Variants in INTS7 observed in about 807,000 individuals in gnomAD.
The protein encoded by INTS7 is integrator complex subunit 7.
INTS7 carries 46 observed loss-of-function variants against 109.2 expected under a neutral mutation model. That is an observed-to-expected ratio of 0.42 (90% CI 0.33 to 0.54). The LOEUF (loss-of-function observed/expected upper bound fraction) is 0.54. Among genes scored for constraint, INTS7 ranks in the 20% least tolerant of loss-of-function variants. The pLI is 0.07. For synonymous variants in INTS7, 412 were observed against 402.9 expected (o/e 1.02, Z -0.27); for missense variants, 929 against 1,132.4 (o/e 0.82, Z 2.58).
At position 211,982,731 on chromosome 1, in the gene INTS7, A is replaced by T. The variant is rs149903338; in HGVS notation, c.1077T>A (p.Ile359=). Reference sequence around the variant, plus strand: ...TTAGGACTCTAACTCCATGAGCTGCAATGCCCCTGTTATTATGGTAACAGC... The same window carrying T: ...TTAGGACTCTAACTCCATGAGCTGCTATGCCCCTGTTATTATGGTAACAGC... ...QECCYHNNRG[I]AAHGVRVLTN... The change falls in exon 9 of 20, where the codon ATT becomes ATA. Residue 359 remains isoleucine (I), a synonymous_variant. Coordinates refer to ENST00000366994, the MANE Select transcript of INTS7 (RefSeq NM_015434.4). 1.7e-5 allele frequency: 27 copies of T among 1,612,134 alleles called. No individual in the cohort carries two copies. In the African/African-American group the frequency reaches 3.3e-4, roughly 20 times the overall value.
In INTS7 at chr1:211,978,518, G is replaced by A. The variant is rs771739974; in HGVS notation, c.1231-7C>T. On this transcript the variant is annotated splice_polypyrimidine_tract_variant and splice_region_variant and intron_variant, in intron 10 of 19. Coordinates refer to ENST00000366994, the MANE Select transcript of INTS7 (RefSeq NM_015434.4). ...CCATACAGTTTAGAGCAATCTGCAC[G>A]CCAAAAAGAAAATGAACTAGTTACA... is the stretch of plus-strand genomic sequence containing the variant. 9.9e-5 allele frequency: 159 copies of A among 1,613,328 alleles called. No homozygotes were observed. The Middle Eastern group carries it at 2.1e-3, about 22-fold the overall frequency.
chr1:211,961,680 C>T (rs1482446522), intron 16 of INTS7, among the ~76,000 whole-genome samples: 8 of 152,188 alleles, frequency 5.3e-5, no homozygotes, highest in Middle Eastern at 3.4e-3. Flanking sequence ...CCTCCCACCT[C>T]GGCCTCCCAA....
At chr1:211,975,489 C>G (rs549198803) in intron 12 of INTS7, 117 bp from the exon 13 acceptor site, 2 of 697,590 alleles carry the variant, frequency 2.9e-6, no homozygotes, top group Non-Finnish European at 4.9e-6. Context: ...TAAGTCTGAA[C>G]AATCATTCCT....
In INTS7 at chr1:211,986,063, T is replaced by C. The variant is rs529178300; in HGVS notation, c.997+1823A>G. 4.4e-4 allele frequency among the ~76,000 whole-genome samples: 67 copies of C among 152,302 alleles called. No individual in the cohort carries two copies. The South Asian group carries it at 9.5e-3, about 22-fold the overall frequency. ...GTGACTTGCTTTGGCCAATAAAGCA[T>C]TGGAAAACAGGCTGCAAGCAAAAGG... On this transcript the variant is annotated intron_variant, in intron 8 of 19. Transcript: ENST00000366994.
At chr1:212,023,617 T>A (rs1456552112) in intron 1 of INTS7, among the ~76,000 whole-genome samples, 1 of 152,210 alleles carries the variant, frequency 6.6e-6, no homozygotes, top group Non-Finnish European at 1.5e-5. Context: ...CTTGTTGAAT[T>A]AAGTTCCTTA....
chr1:212,007,091 G>A (rs1665956964), intron 6 of INTS7, among the ~76,000 whole-genome samples, 159 bp downstream of exon 6: 1 of 151,714 alleles, frequency 6.6e-6, no homozygotes, highest in African/African-American at 2.4e-5. Context: ...ACTGTGAACA[G>A]AGAGAATAAA....
chr1:211,976,093 C>G (rs1279810921), intron 12 of INTS7, among the ~76,000 whole-genome samples: 3 of 152,138 alleles, frequency 2.0e-5, no homozygotes, highest in African/African-American at 4.8e-5. Flanking sequence ...TGAGCCACCC[C>G]ACCCGGCCAG....
At chr1:212,024,895 T>C (rs543746654) in intron 1 of INTS7, among the ~76,000 whole-genome samples, 20 of 152,346 alleles carry the variant, frequency 1.3e-4, no homozygotes, top group Admixed American at 2.6e-4. Context: ...TGATCATCTC[T>C]CCAGAGAACA....
Position 211,978,430 on chromosome 1 carries a change from A to G in INTS7, c.1312T>C (p.Leu438=). The G allele has an allele frequency of 6.2e-7, 1 of 1,614,196 alleles. No homozygotes were observed. The highest frequency in any genetic ancestry group is 8.5e-7 in the Non-Finnish European group (1 of 1,180,030). Residue 438 remains leucine (L), a synonymous_variant, in exon 11 of 20, where the codon TTG becomes CTG. Transcript: ENST00000366994. Reference sequence around the variant, plus strand: ...CGGGCAGCGTCTTGAGCACTGTGCAATTGAGTCAACAAGGTCTCAACTACT... The same window carrying G: ...CGGGCAGCGTCTTGAGCACTGTGCAGTTGAGTCAACAAGGTCTCAACTACT... ...QSVVETLLTQ[L]HSAQDAARIL...
In INTS7 at chr1:211,941,615, A is replaced by C. The variant is rs1325023298; in HGVS notation, c.*209T>G. The stretch of plus-strand genomic sequence containing the variant: ...GTGAGCCGCCCACCTCAGCCTCCCA[A>C]AGTGCTGGGATTACAGGCGTGAGCA... On this transcript the variant is annotated 3_prime_UTR_variant, in exon 20 of 20. Transcript: ENST00000366994. 1.6e-6 allele frequency: 1 copy of C among 626,164 alleles called. No individual in the cohort carries two copies. The highest frequency in any genetic ancestry group is 2.7e-6 in the Non-Finnish European group (1 of 372,778). 38.8% of individuals were successfully genotyped at this position (626,164 alleles called of 1,614,324 possible).
rs1024477602 is a variant in INTS7, at chr1:211,998,389, T to C, written c.879+8250A>G. Reference sequence around the variant, plus strand: ...ATTTGCACAGACCAATAGAACAGAATAGAATTTGGAAATAAATCCATACAG... The same window carrying C: ...ATTTGCACAGACCAATAGAACAGAACAGAATTTGGAAATAAATCCATACAG... On this transcript the variant is annotated intron_variant, in intron 7 of 19. Transcript: ENST00000366994. 9.9e-5 allele frequency among the ~76,000 whole-genome samples: 15 copies of C among 152,190 alleles called. 1 individual carries two copies. Among genetic ancestry groups the C allele is most frequent in the Non-Finnish European group, 4.4e-5 (3 of 68,020 alleles).
At chr1:211,974,515 A>T (rs1664332646) in intron 13 of INTS7, among the ~76,000 whole-genome samples, 1 of 151,904 alleles carries the variant, frequency 6.6e-6, no homozygotes, top group Admixed American at 6.6e-5. Context: ...CAGTATTTTT[A>T]AAATGTTTAA....
intron 7 of INTS7, among the ~76,000 whole-genome samples, chr1:212,000,773 T>A (rs186830332): frequency 6.6e-6 from 1 of 152,162 alleles, no homozygotes. Flanking sequence ...AAAAAATCCA[T>A]CACAAGAGAC....
At chr1:211,994,410 G>GA (rs950243387) in intron 7 of INTS7, among the ~76,000 whole-genome samples, 19 of 147,922 alleles carry the variant, frequency 1.3e-4, no homozygotes, top group African/African-American at 3.7e-4. Flanking sequence ...AGCTGCAATG[G>GA]AAAAAAAATT....
chr1:212,019,114 G>A (rs1666578973), intron 3 of INTS7, among the ~76,000 whole-genome samples: 2 of 152,088 alleles, frequency 1.3e-5, no homozygotes, highest in South Asian at 4.1e-4. Flanking sequence ...AGTTGAGTGT[G>A]GTGGCGGGCA....
intron 1 of INTS7, among the ~76,000 whole-genome samples, chr1:212,021,657 C>T (rs1361839473): frequency 7.1e-6 from 1 of 140,376 alleles, no homozygotes; most frequent in Non-Finnish European, 1.5e-5. Flanking sequence ...CCAGCCTGAA[C>T]AACACAGTCA....
chr1:211,944,925 A>G lies in INTS7; in HGVS notation c.2460T>C (p.Ala820=), dbSNP rs1242874385. The part of the protein sequence containing the change: ...PSPRNPAEPI[A]VQNNQQLALK... Reference sequence around the variant, plus strand: ...GCGCCAGCTGCTGGTTATTCTGGACAGCAATGGGCTCTGCAGGATTCCGGG... The same window carrying G: ...GCGCCAGCTGCTGGTTATTCTGGACGGCAATGGGCTCTGCAGGATTCCGGG... The change falls in exon 19 of 20, where the codon GCT becomes GCC. Residue 820 remains alanine, a synonymous_variant. Coordinates refer to ENST00000366994, the MANE Select transcript of INTS7 (RefSeq NM_015434.4). 1.2e-6 allele frequency: 2 copies of G among 1,614,246 alleles called. No homozygotes were observed. The highest frequency in any genetic ancestry group is 2.2e-5 in the East Asian group (1 of 44,890).
chr1:212,035,228 C>G lies in INTS7; in HGVS notation c.94+116G>C, dbSNP rs911065985. 3 of 734,192 alleles carry G rather than the reference C, an allele frequency of 4.1e-6. No homozygotes were observed. The African/African-American group carries it at 5.2e-5, about 13-fold the overall frequency. 45.5% of individuals were successfully genotyped at this position (734,192 alleles called of 1,614,324 possible). On this transcript the variant is annotated intron_variant, in intron 1 of 19. Transcript: ENST00000366994. ...GCCCCAGCAAAAGCACAGGCGCTCCCCGCCCAGCGAAGACATGCGCATGCG... is the reference window on the plus strand; with the variant it reads ...GCCCCAGCAAAAGCACAGGCGCTCCGCGCCCAGCGAAGACATGCGCATGCG...
At chr1:212,015,556 G>A (rs1273176923) in intron 4 of INTS7, among the ~76,000 whole-genome samples, 1 of 151,462 alleles carries the variant, frequency 6.6e-6, no homozygotes, top group Admixed American at 6.6e-5. Context: ...AGTACCCAGG[G>A]ACACAAACAC....
Sources: gnomAD v4.1 joint callset for allele counts (sites outside exome capture counted in the v4.1 genomes callset) on GRCh38, gnomAD v4.1.1 for gene constraint, MANE v1.5 for transcripts, NCBI Gene and HGNC (gene_info 2026-07-23, HGNC 2026-07-21) for gene names.